The following TMEM184C variants were observed in gnomAD, a reference collection of about 807,000 sequenced individuals.
The protein encoded by TMEM184C is transmembrane protein 34.
Under a neutral mutation model 54.5 loss-of-function variants are expected in TMEM184C, and 25 were observed. The ratio of observed to expected loss-of-function variants is 0.46; its 90% confidence interval spans 0.33 to 0.64. TMEM184C has a LOEUF of 0.64. Ranked by LOEUF, TMEM184C falls within the 30% of genes least tolerant of loss-of-function variation. TMEM184C has a pLI of 0.02. For synonymous variants in TMEM184C, 148 were observed against 181.5 expected, an observed-to-expected ratio of 0.82 and a Z score of 1.49; for missense variants, 335 against 520.3, an observed-to-expected ratio of 0.64 and a Z score of 3.46.
intron 9 of TMEM184C, 95 bp from the exon 10 acceptor site, chr4:147,634,074 G>C: frequency 6.6e-7 from 1 of 1,524,560 alleles, no homozygotes; most frequent in Non-Finnish European, 8.8e-7. Flanking sequence ...CAACTTTGGG[G>C]AGTGGGAGAG....
Position 147,634,281 on chromosome 4 carries a change from T to C in TMEM184C, c.1164T>C (p.Ser388=). ...SSSQDAISIA[S]SMPPSPMGHY... ...CACAAGATGCAATTTCCATTGCTTC[T>C]TCTATGCCACCTTCACCCATGGGTC... is the stretch of plus-strand genomic sequence containing the variant. Residue 388 remains serine (S), a synonymous_variant, in exon 10 of 10, where the codon TCT becomes TCC. Transcript: ENST00000296582. 1.2e-6 allele frequency: 2 copies of C among 1,614,198 alleles called. No homozygotes were observed. Among genetic ancestry groups the C allele is most frequent in the Non-Finnish European group, 1.7e-6 (2 of 1,180,036 alleles).
At chr4:147,629,548 T>A in intron 5 of TMEM184C, 51 bp from the exon 6 acceptor site, 4 of 1,386,688 alleles carry the variant, frequency 2.9e-6, no homozygotes, top group Non-Finnish European at 4.0e-6. Context: ...TGCTGTATTT[T>A]GAAGTACGAT....
chr4:147,622,594 A>G (rs900526728), intron 1 of TMEM184C, among the ~76,000 whole-genome samples: 1 of 152,162 alleles, frequency 6.6e-6, no homozygotes, highest in Non-Finnish European at 1.5e-5. Context: ...TAATCCCCAC[A>G]TATAAGTGGG....
At position 147,617,913 on chromosome 4, in the gene TMEM184C, C is replaced by A; in HGVS notation, c.-44C>A. 2 of 1,611,572 alleles carry A rather than the reference C, an allele frequency of 1.2e-6. No individual in the cohort carries two copies. Among genetic ancestry groups the A allele is most frequent in the African/African-American group, 1.3e-5 (1 of 74,966 alleles). On this transcript the variant is annotated 5_prime_UTR_variant, in exon 1 of 10. Transcript: ENST00000296582. The stretch of plus-strand genomic sequence containing the variant: ...ACAGGGCTCCCCATTACAATCTTTT[C>A]GAGATCTTTTCCCTTGCTAACCGGA...
At chr4:147,632,846 C>A in intron 7 of TMEM184C, 57 bp from the exon 8 acceptor site, 1 of 1,505,624 alleles carries the variant, frequency 6.6e-7, no homozygotes, top group Non-Finnish European at 9.1e-7. Context: ...ATTTTTAAAA[C>A]TACTGCTCAT....
In TMEM184C at chr4:147,636,654, A is replaced by G. The variant is rs1221497582; in HGVS notation, c.*2220A>G. On this transcript the variant is annotated 3_prime_UTR_variant, in exon 10 of 10. Transcript: ENST00000296582. ...TCAAACCAAAAAGCTTCTGACAGTAAAAGAAACAGTCAACAAAATGAAACA... is the reference window on the plus strand; with the variant it reads ...TCAAACCAAAAAGCTTCTGACAGTAGAAGAAACAGTCAACAAAATGAAACA... 1 of 152,286 alleles carries G rather than the reference A, an allele frequency of 6.6e-6. No homozygotes were observed. The highest frequency in any genetic ancestry group is 1.5e-5 in the Non-Finnish European group (1 of 68,020). 9.4% of individuals were successfully genotyped at this position (152,286 alleles called of 1,614,324 possible).
At chr4:147,625,164 G>A (rs1023007439) in intron 4 of TMEM184C, among the ~76,000 whole-genome samples, 155 bp downstream of exon 4, 6 of 152,178 alleles carry the variant, frequency 3.9e-5, no homozygotes, top group Non-Finnish European at 8.8e-5. Context: ...GTTGTTTGAA[G>A]GCTAACAAAA....
intron 5 of TMEM184C, 97 bp from the exon 6 acceptor site, chr4:147,629,502 T>G: frequency 1.2e-6 from 1 of 857,206 alleles, no homozygotes; most frequent in Non-Finnish European, 1.8e-6. Flanking sequence ...CAGTGAGATC[T>G]CAAATAAACT....
In TMEM184C at chr4:147,617,646, C is replaced by T; in HGVS notation, c.-311C>T. Reference sequence around the variant, plus strand: ...GCCATGGTACAGGCAGAGCTCAGGGCGATCCCCAGGTGAGGGCAGCGGCTC... The same window carrying T: ...GCCATGGTACAGGCAGAGCTCAGGGTGATCCCCAGGTGAGGGCAGCGGCTC... On this transcript the variant is annotated 5_prime_UTR_variant, in exon 1 of 10. Coordinates refer to ENST00000296582, the MANE Select transcript of TMEM184C (RefSeq NM_018241.3). The T allele has an allele frequency of 2.9e-6, 1 of 350,342 alleles. No individual in the cohort carries two copies. The highest frequency in any genetic ancestry group is 6.6e-5 in the East Asian group (1 of 15,054). The allele number at this position is 350,342 out of a possible 1,614,324, so 21.7% of individuals were successfully genotyped here. A position where few individuals can be genotyped will look rare whatever the true frequency, so the allele number is the denominator to read the frequency against.
chr4:147,627,148 A>T (rs2126551161), intron 4 of TMEM184C, among the ~76,000 whole-genome samples: 1 of 152,356 alleles, frequency 6.6e-6, no homozygotes, highest in Non-Finnish European at 1.5e-5. Flanking sequence ...ACACAGGACA[A>T]GGACAAGGCC....
At chr4:147,624,697 C>T in intron 3 of TMEM184C, 107 bp from the exon 4 acceptor site, 3 of 993,392 alleles carry the variant, frequency 3.0e-6, no homozygotes, top group Non-Finnish European at 4.5e-6. Context: ...AAGTATATGA[C>T]AAGACATCTC....
At chr4:147,624,767 A>T (rs1434300248) in intron 3 of TMEM184C, 37 bp from the exon 4 acceptor site, 1 of 1,594,946 alleles carries the variant, frequency 6.3e-7, no homozygotes. Context: ...ATTTTATCTT[A>T]GCTGCAACTA....
Position 147,629,612 on chromosome 4 carries a change from C to G in TMEM184C, c.586C>G (p.Leu196Val). 6.3e-7 allele frequency: 1 copy of G among 1,593,712 alleles called. No individual in the cohort carries two copies. Among genetic ancestry groups the G allele is most frequent in the South Asian group, 1.2e-5 (1 of 86,380 alleles). ...TACTATTTTTAGAATCTGTGAGCTG[C>G]TTGGTATATATGACGAAGGGAACTT... The part of the protein sequence containing the change: ...TTIVALICEL[L>V]GIYDEGNFSF... The change falls in exon 6 of 10, where the codon CTT becomes GTT. Residue 196 changes from leucine to valine, a missense_variant. Physicochemically the swap from Leu to Val is conservative, Grantham distance 32 (BLOSUM62 1). Coordinates refer to ENST00000296582, the MANE Select transcript of TMEM184C (RefSeq NM_018241.3).
At chr4:147,625,120 A>C (rs1732788968) in intron 4 of TMEM184C, 111 bp downstream of exon 4, 2 of 1,036,010 alleles carry the variant, frequency 1.9e-6, no homozygotes, top group Non-Finnish European at 2.9e-6. Flanking sequence ...ATAGCAGAAC[A>C]ATAAGTATAA....
intron 1 of TMEM184C, among the ~76,000 whole-genome samples, chr4:147,622,117 A>AT (rs1234308562): frequency 1.3e-5 from 2 of 148,344 alleles, no homozygotes; most frequent in Non-Finnish European, 3.0e-5. Flanking sequence ...AATTTTTTGT[A>AT]TTTTTTGTAG....
intron 1 of TMEM184C, among the ~76,000 whole-genome samples, chr4:147,622,753 A>G (rs1428364891): frequency 2.0e-5 from 3 of 152,040 alleles, no homozygotes; most frequent in African/African-American, 4.8e-5. Flanking sequence ...AAGACTTTGT[A>G]TTAGCTTTTG....
rs1420455651 is a variant in TMEM184C, at chr4:147,636,467, A to G, written c.*2033A>G. 1.3e-5 allele frequency: 2 copies of G among 152,162 alleles called. No homozygotes were observed. Among genetic ancestry groups the G allele is most frequent in the Admixed American group, 1.3e-4 (2 of 15,270 alleles). 9.4% of individuals were successfully genotyped at this position (152,162 alleles called of 1,614,324 possible). A position where few individuals can be genotyped will look rare whatever the true frequency, so the allele number is the denominator to read the frequency against. ...GAAATCAGACCCTTATCTTAGACCT[A>G]CACAACAATCAATTCAAAATGGATA... is the stretch of plus-strand genomic sequence containing the variant. On this transcript the variant is annotated 3_prime_UTR_variant, in exon 10 of 10. Transcript: ENST00000296582.
At chr4:147,627,643 G>A (rs1732838507) in intron 4 of TMEM184C, among the ~76,000 whole-genome samples, 1 of 152,126 alleles carries the variant, frequency 6.6e-6, no homozygotes, top group African/African-American at 2.4e-5. Context: ...CTGGGTGTGG[G>A]GGCACACACC....
At chr4:147,623,645 A>ATTT (rs11400483) in intron 1 of TMEM184C, among the ~76,000 whole-genome samples, 189 bp from the exon 2 acceptor site, 1 of 142,578 alleles carries the variant, frequency 7.0e-6, no homozygotes, top group Non-Finnish European at 1.5e-5. Context: ...CAATTTTTTA[A>ATTT]TTTTTTTTTT....
Sources: allele counts gnomAD v4.1 joint callset (sites outside exome capture counted in the v4.1 genomes callset), GRCh38; gene constraint gnomAD v4.1.1; transcripts MANE v1.5; gene names NCBI Gene and HGNC (gene_info 2026-07-23, HGNC 2026-07-21).